The following SLC25A21 variants were observed in gnomAD, a reference collection of about 807,000 sequenced individuals.
SLC25A21 encodes solute carrier family 25 member 21, also known as mitochondrial 2-oxodicarboxylate carrier.
In SLC25A21, 47 loss-of-function variants were observed where a neutral mutation model predicts 43.8. That is an observed-to-expected ratio of 1.07 (90% CI 0.85 to 1.37). The LOEUF is 1.37. SLC25A21 is among the 40% of genes most tolerant of loss of function. The probability of loss-of-function intolerance (pLI) is 0.00; values close to 1 mark genes in which losing one functional copy is unlikely to be tolerated. For synonymous variants in SLC25A21, 131 were observed against 121.3 expected (o/e 1.08, Z -0.52); for missense variants, 352 against 350.2 (o/e 1.00, Z -0.04).
At chr14:36,826,522 C>T (rs1389102944) in intron 2 of SLC25A21, among the ~76,000 whole-genome samples, 2 of 152,204 alleles carry the variant, frequency 1.3e-5, no homozygotes, top group Non-Finnish European at 2.9e-5. Context: ...CTCCTATGTG[C>T]TTTAATTCAC....
intron 3 of SLC25A21, among the ~76,000 whole-genome samples, chr14:36,792,995 T>C (rs915165812): frequency 1.1e-4 from 17 of 152,294 alleles, no homozygotes; most frequent in Non-Finnish European, 2.5e-4. Context: ...TATTTGCTAA[T>C]CTTTGTCTTC....
chr14:37,098,786 C>CAGATAGATAGATAGAT (rs1407209801), intron 1 of SLC25A21, among the ~76,000 whole-genome samples: 13 of 139,208 alleles, frequency 9.3e-5, no homozygotes, highest in African/African-American at 3.8e-4. Flanking sequence ...GACAGACAGA[C>CAGATAGATAGATAGAT]AGATAGATAG....
chr14:36,893,931 T>G (rs1413924269), intron 1 of SLC25A21, among the ~76,000 whole-genome samples: 3 of 152,218 alleles, frequency 2.0e-5, no homozygotes, highest in African/African-American at 4.8e-5. Flanking sequence ...CATGCTGTTT[T>G]GGTTACTGTA....
intron 3 of SLC25A21, among the ~76,000 whole-genome samples, chr14:36,786,332 C>G (rs1308969546): frequency 6.6e-6 from 1 of 152,190 alleles, no homozygotes; most frequent in African/African-American, 2.4e-5. Context: ...AATTGATATG[C>G]TGGCATTTTT....
intron 1 of SLC25A21, among the ~76,000 whole-genome samples, chr14:37,066,075 A>C (rs944911791): frequency 1.3e-5 from 2 of 152,170 alleles, no homozygotes; most frequent in Non-Finnish European, 2.9e-5. Flanking sequence ...AGAGGAGAGG[A>C]AAAGAAATTA....
chr14:37,056,667 T>C (rs1961836803), intron 1 of SLC25A21, among the ~76,000 whole-genome samples: 1 of 152,110 alleles, frequency 6.6e-6, no homozygotes, highest in Admixed American at 6.5e-5. Flanking sequence ...GTTTTCCTCC[T>C]TACATTCTGG....
chr14:36,872,438 G>C (rs185168864), intron 2 of SLC25A21, among the ~76,000 whole-genome samples: 10 of 152,238 alleles, frequency 6.6e-5, no homozygotes, highest in African/African-American at 2.4e-4. Flanking sequence ...GTCATCTCCT[G>C]TATAATGTGA....
intron 2 of SLC25A21, among the ~76,000 whole-genome samples, chr14:36,817,907 T>C (rs1348323438): frequency 6.6e-6 from 1 of 152,252 alleles, no homozygotes; most frequent in Non-Finnish European, 1.5e-5. Flanking sequence ...CACTCACTAG[T>C]TGCAATTTCT....
intron 1 of SLC25A21, among the ~76,000 whole-genome samples, chr14:37,126,806 G>T (rs1963305719): frequency 6.6e-6 from 1 of 152,136 alleles, no homozygotes; most frequent in South Asian, 2.1e-4. Context: ...GGGCTTACAA[G>T]GACATTTTAG....
chr14:37,022,809 A>C (rs1961014976), intron 1 of SLC25A21, among the ~76,000 whole-genome samples: 4 of 152,102 alleles, frequency 2.6e-5, no homozygotes, highest in Admixed American at 1.3e-4. Context: ...TTAGTAAAGG[A>C]GTGAGAGAAT....
At chr14:36,977,714 T>G (rs1217295252) in intron 1 of SLC25A21, among the ~76,000 whole-genome samples, 1 of 152,164 alleles carries the variant, frequency 6.6e-6, no homozygotes, top group South Asian at 2.1e-4. Context: ...CACTATTATT[T>G]ATATCACACA....
intron 1 of SLC25A21, among the ~76,000 whole-genome samples, chr14:37,060,382 A>ATAG (rs779313528): frequency 2.3e-5 from 2 of 85,230 alleles, no homozygotes; most frequent in East Asian, 1.0e-3. Flanking sequence ...CTACTCTCTA[A>ATAG]TAATAATAAT....
intron 2 of SLC25A21, among the ~76,000 whole-genome samples, chr14:36,846,288 C>T (rs1034439329): frequency 2.0e-5 from 3 of 152,114 alleles, no homozygotes; most frequent in Admixed American, 6.5e-5. Flanking sequence ...ACCAGAACAA[C>T]GTATTGATAT....
At chr14:36,901,615 A>AT (rs1566724544) in intron 1 of SLC25A21, among the ~76,000 whole-genome samples, 1 of 152,210 alleles carries the variant, frequency 6.6e-6, no homozygotes, top group African/African-American at 2.4e-5. Context: ...TAAAAATATT[A>AT]TTTTTTATTT....
At chr14:36,850,497 C>T (rs891550189) in intron 2 of SLC25A21, among the ~76,000 whole-genome samples, 1 of 152,062 alleles carries the variant, frequency 6.6e-6, no homozygotes, top group African/African-American at 2.4e-5. Flanking sequence ...AGAAAGGTCC[C>T]ATCCATGGTC....
intron 3 of SLC25A21, among the ~76,000 whole-genome samples, chr14:36,782,875 C>T (rs866500500): frequency 0.013 from 1,882 of 149,480 alleles, 32 homozygotes; most frequent in African/African-American, 0.043. Context: ...GTGGGTGCAG[C>T]GCACCAGCAT....
At chr14:36,835,698 A>C (rs557238630) in intron 2 of SLC25A21, among the ~76,000 whole-genome samples, 1 of 152,362 alleles carries the variant, frequency 6.6e-6, no homozygotes, top group Admixed American at 6.5e-5. Context: ...TGAAAATATA[A>C]CATGTTCAGA....
At chr14:36,748,446 C>G (rs2139254378) in intron 3 of SLC25A21, among the ~76,000 whole-genome samples, 1 of 152,314 alleles carries the variant, frequency 6.6e-6, no homozygotes. Flanking sequence ...AGTCACTGAG[C>G]TTTCTGGATT....
intron 1 of SLC25A21, among the ~76,000 whole-genome samples, chr14:36,973,969 G>A (rs530330959): frequency 6.6e-6 from 1 of 152,252 alleles, no homozygotes; most frequent in South Asian, 2.1e-4. Context: ...AGCTAAGAAC[G>A]GCTATGACTC....
Sources: allele counts gnomAD v4.1 joint callset (sites outside exome capture counted in the v4.1 genomes callset), GRCh38; gene constraint gnomAD v4.1.1; transcripts MANE v1.5; gene names NCBI Gene and HGNC (gene_info 2026-07-23, HGNC 2026-07-21).